Variants in DAAM1 observed in about 807,000 individuals in gnomAD.
DAAM1 encodes the protein disheveled-associated activator of morphogenesis 1.
DAAM1 carries 52 observed loss-of-function variants against 130.0 expected under a neutral mutation model. The observed-to-expected ratio is 0.40, with a 90% CI of 0.32 to 0.50. The LOEUF is 0.50. Ranked by LOEUF, DAAM1 falls within the 20% of genes least tolerant of loss-of-function variation. DAAM1 has a pLI of 0.61. For missense variants in DAAM1, 1,134 were observed against 1,303.8 expected (o/e 0.87, Z 2.01); for synonymous variants, 452 against 444.5 (o/e 1.02, Z -0.21).
At position 59,360,866 on chromosome 14, in the gene DAAM1, A is replaced by G; in HGVS notation, c.2694+4A>G. On this transcript the variant is annotated splice_donor_region_variant and intron_variant, in intron 22 of 24. Transcript: ENST00000360909. ...TGGCTTGAAAGCAGTAGAGACAGTG[A>G]GTATTTTTTTGTTGTTGTTCTAATT... 6.2e-7 allele frequency: 1 copy of G among 1,612,956 alleles called. No homozygotes were observed. Among genetic ancestry groups the G allele is most frequent in the East Asian group, 2.2e-5 (1 of 44,846 alleles).
At chr14:59,321,796 C>T (rs1885019780) in intron 5 of DAAM1, among the ~76,000 whole-genome samples, 1 of 152,288 alleles carries the variant, frequency 6.6e-6, no homozygotes. Context: ...TCTAGACTAT[C>T]CTAACTGTAT....
chr14:59,347,248 G>A (rs1265550731), intron 16 of DAAM1, among the ~76,000 whole-genome samples: 1 of 152,170 alleles, frequency 6.6e-6, no homozygotes, highest in Non-Finnish European at 1.5e-5. Flanking sequence ...AAACAATTGT[G>A]TATGGGTATT....
intron 1 of DAAM1, among the ~76,000 whole-genome samples, chr14:59,251,531 G>A (rs182922579): frequency 6.6e-6 from 1 of 151,736 alleles, no homozygotes; most frequent in Non-Finnish European, 1.5e-5. Flanking sequence ...GGTCGGGCAA[G>A]TTCTGAGTCA....
At chr14:59,355,594 G>C (rs1278928253) in intron 20 of DAAM1, among the ~76,000 whole-genome samples, 1 of 152,064 alleles carries the variant, frequency 6.6e-6, no homozygotes, top group African/African-American at 2.4e-5. Flanking sequence ...TCTAAGTTTT[G>C]CTGTTGTTTT....
At chr14:59,298,576 CT>C (rs1210624227) in intron 3 of DAAM1, among the ~76,000 whole-genome samples, 1 of 152,162 alleles carries the variant, frequency 6.6e-6, no homozygotes, top group Non-Finnish European at 1.5e-5. Flanking sequence ...GATCCATTTC[CT>C]TTCTTTATTT....
At chr14:59,272,995 C>G (rs1882796077) in intron 2 of DAAM1, among the ~76,000 whole-genome samples, 1 of 152,150 alleles carries the variant, frequency 6.6e-6, no homozygotes, top group Admixed American at 6.5e-5. Context: ...CTGATATCTG[C>G]TGTACTTCTG....
intron 20 of DAAM1, among the ~76,000 whole-genome samples, chr14:59,355,735 G>A (rs972948000): frequency 3.3e-5 from 5 of 152,002 alleles, no homozygotes; most frequent in East Asian, 1.9e-4. Flanking sequence ...CATAACCAGC[G>A]CCCAGATCAA....
intron 1 of DAAM1, among the ~76,000 whole-genome samples, chr14:59,201,160 CAA>C (rs71111617): frequency 2.9e-3 from 198 of 68,818 alleles, no homozygotes; most frequent in Middle Eastern, 0.026. Flanking sequence ...GACTCCGTCT[CAA>C]AAAAAAAAAA....
chr14:59,237,758 C>T (rs1428291816), intron 1 of DAAM1, among the ~76,000 whole-genome samples: 3 of 152,194 alleles, frequency 2.0e-5, no homozygotes, highest in African/African-American at 7.2e-5. Flanking sequence ...ACAGCACTCA[C>T]CAAAGCAGGA....
chr14:59,367,560 AAAG>A lies in DAAM1; in HGVS notation c.2959_2961del (p.Lys987del), dbSNP rs781305421. 6.2e-7 allele frequency: 1 copy of A among 1,614,002 alleles called. No homozygotes were observed. The highest frequency in any genetic ancestry group is 1.3e-5 in the African/African-American group (1 of 75,052). On this transcript the variant is annotated inframe_deletion, in exon 24 of 25. Transcript: ENST00000360909. The stretch of plus-strand genomic sequence containing the variant: ...AAGAAAACGAAAATATGAGAAAGAA[AAAG>A]GAGGAAGAAGAACGTCGAGCTCGCA...
intron 3 of DAAM1, among the ~76,000 whole-genome samples, chr14:59,312,077 A>G (rs192439810): frequency 6.6e-6 from 1 of 152,320 alleles, no homozygotes; most frequent in East Asian, 1.9e-4. Flanking sequence ...GTGATTATAT[A>G]TCTGTACAAG....
chr14:59,313,949 T>G (rs988191375), intron 3 of DAAM1, among the ~76,000 whole-genome samples: 1 of 152,190 alleles, frequency 6.6e-6, no homozygotes, highest in African/African-American at 2.4e-5. Context: ...ACTGCCTGAG[T>G]TGAGATATCA....
At chr14:59,328,215 T>C (rs1221767055) in intron 12 of DAAM1, among the ~76,000 whole-genome samples, 2 of 152,242 alleles carry the variant, frequency 1.3e-5, no homozygotes, top group African/African-American at 4.8e-5. Flanking sequence ...AAATACCAAT[T>C]GTGAACTAAC....
At chr14:59,281,257 A>G (rs1480300246) in intron 2 of DAAM1, among the ~76,000 whole-genome samples, 1 of 152,134 alleles carries the variant, frequency 6.6e-6, no homozygotes, top group African/African-American at 2.4e-5. Flanking sequence ...TCAGAAAGGC[A>G]CCAACTCAAC....
intron 1 of DAAM1, among the ~76,000 whole-genome samples, chr14:59,216,252 G>T (rs546071949): frequency 1.3e-4 from 20 of 152,250 alleles, no homozygotes; most frequent in African/African-American, 4.8e-4. Context: ...CTCAGGCACA[G>T]TTTTTCAATG....
At chr14:59,274,690 A>G (rs1269337055) in intron 2 of DAAM1, among the ~76,000 whole-genome samples, 2 of 152,218 alleles carry the variant, frequency 1.3e-5, no homozygotes, top group African/African-American at 2.4e-5. Context: ...GCATGAATTA[A>G]TAACTGTGGA....
rs182552570 is a variant in DAAM1 at position 59,242,651 on chromosome 14, C to T, written c.-37-20790C>T. Among the ~76,000 whole-genome samples, 455 of 152,180 alleles carry T rather than the reference C, an allele frequency of 3.0e-3. 2 individuals are homozygous for T. The highest frequency in any genetic ancestry group is 9.7e-3 in the African/African-American group (403 of 41,502). On this transcript the variant is annotated intron_variant, in intron 1 of 24. Coordinates refer to ENST00000360909, the MANE Select transcript of DAAM1 (RefSeq NM_001270520.2). The stretch of plus-strand genomic sequence containing the variant: ...TCGGCTCACTGCAAGCTCTGCCTCC[C>T]GGGTTCACGCCATTCTCCTGCCTAA...
chr14:59,290,136 A>G (rs1352212573), intron 2 of DAAM1, among the ~76,000 whole-genome samples: 3 of 152,212 alleles, frequency 2.0e-5, no homozygotes, highest in Admixed American at 2.0e-4. Context: ...AAGTAAAAGT[A>G]GAAAAAAAAT....
rs865957523 is a variant in DAAM1 at position 59,223,226 on chromosome 14, G to A, written c.-38+34458G>A. 1.3e-5 allele frequency among the ~76,000 whole-genome samples: 2 copies of A among 152,340 alleles called. 1 individual carries two copies. The highest frequency in any genetic ancestry group is 4.1e-4 in the South Asian group (2 of 4,824). ...CTTCAGGATCTGCTTTCGCCTGATC[G>A]TGTATATACCACTTCCATTTGATGA... On this transcript the variant is annotated intron_variant, in intron 1 of 24. Coordinates refer to ENST00000360909, the MANE Select transcript of DAAM1 (RefSeq NM_001270520.2).
Sources: gnomAD v4.1 joint callset for allele counts (sites outside exome capture counted in the v4.1 genomes callset) on GRCh38, gnomAD v4.1.1 for gene constraint, MANE v1.5 for transcripts, NCBI Gene and HGNC (gene_info 2026-07-23, HGNC 2026-07-21) for gene names.